The following GPM6A variants were observed in gnomAD, a reference collection of about 807,000 sequenced individuals.
GPM6A encodes neuronal membrane glycoprotein M6-a.
Under a neutral mutation model 32.1 loss-of-function variants are expected in GPM6A, and 7 were observed. The ratio of observed to expected loss-of-function variants is 0.22; its 90% CI spans 0.12 to 0.41. GPM6A has a LOEUF of 0.41. Ranked by LOEUF, GPM6A falls within the 10% of genes least tolerant of loss-of-function variation. The pLI is 1.00. For synonymous variants in GPM6A, 130 were observed against 123.4 expected, an observed-to-expected ratio of 1.05 and a Z score of -0.35; for missense variants, 235 against 347.2, an observed-to-expected ratio of 0.68 and a Z score of 2.57.
At chr4:175,907,946 G>A (rs1048325422) in intron 1 of GPM6A, among the ~76,000 whole-genome samples, 6 of 152,084 alleles carry the variant, frequency 3.9e-5, no homozygotes, top group Admixed American at 6.6e-5. Context: ...ATAAACCTAC[G>A]ATGGGTAAGG....
Position 175,700,812 on chromosome 4 carries a change from T to A in GPM6A, c.230+763A>T, listed in dbSNP as rs1391675916. On this transcript the variant is annotated intron_variant, in intron 2 of 6. Coordinates refer to ENST00000393658, the MANE Select transcript of GPM6A (RefSeq NM_201591.3). ...TATTTTCTTTTCATGGGCATAAAAA[T>A]CACTGAATAAATTATCTGAATTAGT... Among the ~76,000 whole-genome samples the A allele has an allele frequency of 2.0e-5, 3 of 152,274 alleles. No individual in the cohort carries two copies. In the South Asian group the frequency reaches 6.2e-4, roughly 32 times the overall value.
chr4:175,648,917 A>C (rs1396758596), intron 4 of GPM6A, among the ~76,000 whole-genome samples: 2 of 152,236 alleles, frequency 1.3e-5, no homozygotes, highest in African/African-American at 2.4e-5. Context: ...CCCCATTGAA[A>C]GTAATCTCAC....
chr4:175,658,350 C>G (rs1742204956), intron 3 of GPM6A, among the ~76,000 whole-genome samples: 1 of 150,558 alleles, frequency 6.6e-6, no homozygotes, highest in South Asian at 2.1e-4. Flanking sequence ...GTAGTTTCAG[C>G]TCTATGACAT....
At chr4:175,824,836 C>A (rs1381203390) in intron 1 of GPM6A, among the ~76,000 whole-genome samples, 1 of 152,060 alleles carries the variant, frequency 6.6e-6, no homozygotes, top group Non-Finnish European at 1.5e-5. Context: ...TTTAGACAAG[C>A]AAATGATTTT....
chr4:175,858,650 T>G (rs1406732343), intron 1 of GPM6A, among the ~76,000 whole-genome samples: 1 of 152,090 alleles, frequency 6.6e-6, no homozygotes, highest in Non-Finnish European at 1.5e-5. Flanking sequence ...AAAGAAACTT[T>G]GGAAAACATT....
chr4:175,861,617 T>G (rs1175775659), intron 1 of GPM6A, among the ~76,000 whole-genome samples: 1 of 151,532 alleles, frequency 6.6e-6, no homozygotes, highest in Non-Finnish European at 1.5e-5. Flanking sequence ...CTGTACGTGG[T>G]GGCCCACACT....
intron 1 of GPM6A, among the ~76,000 whole-genome samples, chr4:175,929,513 G>T (rs530259602): frequency 2.0e-5 from 3 of 152,310 alleles, no homozygotes; most frequent in African/African-American, 7.2e-5. Context: ...TTCTGCATTT[G>T]TAAAACTGTC....
At chr4:175,891,071 T>C (rs1468255330) in intron 1 of GPM6A, among the ~76,000 whole-genome samples, 1 of 152,150 alleles carries the variant, frequency 6.6e-6, no homozygotes, top group Non-Finnish European at 1.5e-5. Context: ...CTCACCTTTA[T>C]GAGACTGATG....
In GPM6A at chr4:175,763,878, G is replaced by T. The variant is rs181583165; in HGVS notation, c.37+48313C>A. Among the ~76,000 whole-genome samples, 28 of 152,198 alleles carry T rather than the reference G, an allele frequency of 1.8e-4. No homozygotes were observed. The East Asian group carries it at 5.2e-3, about 28-fold the overall frequency. Reference sequence around the variant, plus strand: ...TAGATCATAATAACATCTTTGTGAAGTTCTGCAGTTACTGTTATCAGACTT... The same window carrying T: ...TAGATCATAATAACATCTTTGTGAATTTCTGCAGTTACTGTTATCAGACTT... On this transcript the variant is annotated intron_variant, in intron 1 of 6. Transcript: ENST00000393658.
chr4:175,689,781 G>C (rs948871654), intron 2 of GPM6A, among the ~76,000 whole-genome samples: 1 of 152,180 alleles, frequency 6.6e-6, no homozygotes, highest in Non-Finnish European at 1.5e-5. Flanking sequence ...ATGTTTGTGA[G>C]GCTTCTCCCA....
At chr4:175,795,242 G>C (rs1195909116) in intron 1 of GPM6A, among the ~76,000 whole-genome samples, 1 of 152,172 alleles carries the variant, frequency 6.6e-6, no homozygotes, top group Non-Finnish European at 1.5e-5. Context: ...TCAACAGTCA[G>C]TTGATAAATT....
intron 1 of GPM6A, among the ~76,000 whole-genome samples, chr4:175,704,870 A>G (rs1234208850): frequency 6.6e-6 from 1 of 152,244 alleles, no homozygotes; most frequent in Non-Finnish European, 1.5e-5. Flanking sequence ...GCTGGATCCT[A>G]GAGCCTAAAG....
intron 4 of GPM6A, among the ~76,000 whole-genome samples, chr4:175,648,967 G>A (rs1741629073): frequency 2.0e-5 from 3 of 152,160 alleles, no homozygotes; most frequent in Non-Finnish European, 4.4e-5. Flanking sequence ...GTACATCTTT[G>A]AGGATCCTTT....
rs574574923 is a variant in GPM6A at position 175,762,869 on chromosome 4, G to A, written c.37+49322C>T. On this transcript the variant is annotated intron_variant, in intron 1 of 6. Coordinates refer to ENST00000393658, the MANE Select transcript of GPM6A (RefSeq NM_201591.3). Reference sequence around the variant, plus strand: ...AAAGTAGATGCAGCCAATCTATAGAGACAGAAACTAGATTGACTCGTGGTT... The same window carrying A: ...AAAGTAGATGCAGCCAATCTATAGAAACAGAAACTAGATTGACTCGTGGTT... 4.6e-5 allele frequency among the ~76,000 whole-genome samples: 7 copies of A among 152,206 alleles called. No homozygotes were observed. The East Asian group carries it at 1.4e-3, about 29-fold the overall frequency.
At chr4:175,774,683 A>T (rs775914207) in intron 1 of GPM6A, among the ~76,000 whole-genome samples, 2 of 152,108 alleles carry the variant, frequency 1.3e-5, no homozygotes, top group Non-Finnish European at 1.5e-5. Flanking sequence ...TCCTTGTCAC[A>T]ATTGAACAAC....
intron 3 of GPM6A, among the ~76,000 whole-genome samples, chr4:175,663,809 T>C (rs1449884787): frequency 6.6e-6 from 1 of 151,428 alleles, no homozygotes; most frequent in East Asian, 2.0e-4. Flanking sequence ...TTCTCCTGCC[T>C]CAGCCTCCCA....
chr4:175,637,287 A>AT (rs1491233820), intron 6 of GPM6A, among the ~76,000 whole-genome samples: 6 of 67,356 alleles, frequency 8.9e-5, no homozygotes, highest in African/African-American at 3.4e-4. Flanking sequence ...TATATTATAT[A>AT]AAATATATAT....
At chr4:175,780,957 C>T (rs1560929579) in intron 1 of GPM6A, among the ~76,000 whole-genome samples, 1 of 151,984 alleles carries the variant, frequency 6.6e-6, no homozygotes, top group Non-Finnish European at 1.5e-5. Context: ...AAAAGATAAA[C>T]TTGTGGTGGA....
intron 1 of GPM6A, among the ~76,000 whole-genome samples, chr4:175,844,712 G>A (rs535870549): frequency 5.0e-4 from 76 of 152,148 alleles, no homozygotes; most frequent in Non-Finnish European, 8.2e-4. Flanking sequence ...AAGTCTTGTA[G>A]CTTAAACAAA....
Sources: allele counts gnomAD v4.1 joint callset (sites outside exome capture counted in the v4.1 genomes callset), GRCh38; gene constraint gnomAD v4.1.1; transcripts MANE v1.5; gene names NCBI Gene and HGNC (gene_info 2026-07-23, HGNC 2026-07-21).